The following CASP2 variants were observed in gnomAD, a reference collection of about 807,000 sequenced individuals.
CASP2 encodes caspase-2.
Under a neutral mutation model 54.4 loss-of-function variants are expected in CASP2, and 38 were observed. That is an observed-to-expected ratio of 0.70 (90% CI 0.54 to 0.92). CASP2 has a LOEUF of 0.92. Ranked by LOEUF, CASP2 falls within the 40% of genes least tolerant of loss-of-function variation. The pLI, the probability that CASP2 is intolerant of heterozygous loss-of-function variation, is 0.00. For missense variants in CASP2, 512 were observed against 579.6 expected, an observed-to-expected ratio of 0.88 and a Z score of 1.20; for synonymous variants, 215 against 216.3, an observed-to-expected ratio of 0.99 and a Z score of 0.05.
At position 143,304,746 on chromosome 7, in the gene CASP2, G is replaced by A. The variant is rs369524386; in HGVS notation, c.1190G>A (p.Arg397Gln). 3.8e-5 allele frequency: 62 copies of A among 1,614,054 alleles called. No individual in the cohort carries two copies. The Middle Eastern group carries it at 1.3e-3, about 34-fold the overall frequency. Residue 397 changes from arginine to glutamine, a missense_variant, in exon 10 of 11, where the codon CGG becomes CAG. Physicochemically the swap from Arg to Gln is conservative, Grantham distance 43. This residue lies in a region of CASP2 where 417 missense variants were observed against 495.4 expected (regional missense o/e 0.84). Transcript: ENST00000310447. ...GCTCTTGCTCAAGTGTTTTCTGAGCGGGCTTGTGATATGCACGTGGCCGAC... is the reference window on the plus strand; with the variant it reads ...GCTCTTGCTCAAGTGTTTTCTGAGCAGGCTTGTGATATGCACGTGGCCGAC... ...IEALAQVFSE[R>Q]ACDMHVADML...
rs780893395 is a variant in CASP2, at chr7:143,300,295, G to A, written c.967+1G>A. ...TTCTTCATCCAGGCCTGCCGTGGAG[G>A]TGAGTGCCCTAGCAGACCAGCACCT... On this transcript the variant is annotated splice_donor_variant, in intron 8 of 10. Coordinates refer to ENST00000310447, the MANE Select transcript of CASP2 (RefSeq NM_032982.4). LOFTEE classifies it high-confidence loss of function. The A allele has an allele frequency of 1.2e-6, 2 of 1,613,712 alleles. No homozygotes were observed. Among genetic ancestry groups the A allele is most frequent in the East Asian group, 2.2e-5 (1 of 44,866 alleles).
At chr7:143,299,130 T>TG (rs1212432316) in intron 6 of CASP2, among the ~76,000 whole-genome samples, 1 of 152,170 alleles carries the variant, frequency 6.6e-6, no homozygotes, top group African/African-American at 2.4e-5. Context: ...TGGCTAATTT[T>TG]TTTTTTTAAA....
intron 1 of CASP2, 28 bp from the exon 2 acceptor site, chr7:143,291,512 A>T: frequency 6.2e-7 from 1 of 1,613,146 alleles, no homozygotes; most frequent in Non-Finnish European, 8.5e-7. Context: ...GTGACTTGAC[A>T]GCCTTTCCTT....
intron 6 of CASP2, among the ~76,000 whole-genome samples, chr7:143,296,869 G>A (rs1801770465): frequency 6.6e-6 from 1 of 152,118 alleles, no homozygotes; most frequent in African/African-American, 2.4e-5. Flanking sequence ...CAGTGAACAT[G>A]GGTATTCTCA....
In CASP2 at chr7:143,292,318, A is replaced by G; in HGVS notation, c.244A>G (p.Ser82Gly). The change falls in exon 3 of 11, where the codon AGC (serine) becomes GGC (glycine). Residue 82 changes from serine to glycine, a missense_variant. This residue lies in a region of CASP2 where 417 missense variants were observed against 495.4 expected (regional missense o/e 0.84). Transcript: ENST00000310447. ...ELIQAKVGSF[S>G]QNVELLNLLP... The stretch of plus-strand genomic sequence containing the variant: ...GTCTTAGGCCAAAGTGGGCAGTTTC[A>G]GCCAGAATGTGGAACTCCTCAACTT... 1 of 1,614,222 alleles carries G rather than the reference A, an allele frequency of 6.2e-7. No homozygotes were observed. Among genetic ancestry groups the G allele is most frequent in the Non-Finnish European group, 8.5e-7 (1 of 1,180,050 alleles).
intron 6 of CASP2, among the ~76,000 whole-genome samples, chr7:143,295,712 G>A (rs1801725417): frequency 6.6e-6 from 1 of 152,186 alleles, no homozygotes; most frequent in Admixed American, 6.5e-5. Flanking sequence ...GAGTAATTAT[G>A]TATTTACTAT....
chr7:143,300,455 A>G (rs771122177), intron 8 of CASP2, 161 bp downstream of exon 8: 100 of 1,594,276 alleles, frequency 6.3e-5, no homozygotes, highest in Admixed American at 8.4e-5. Flanking sequence ...GTGTCTCCCA[A>G]TGCATGGGGT....
In CASP2 at chr7:143,305,339, G is replaced by A. The variant is rs1296414271; in HGVS notation, c.*268G>A. ...CAGCTGCAGTTGAAGAGCCTGACAA[G>A]TGAAGTTGTAAACACAGTGTGGTTA... is the stretch of plus-strand genomic sequence containing the variant. On this transcript the variant is annotated 3_prime_UTR_variant, in exon 11 of 11. Coordinates refer to ENST00000310447, the MANE Select transcript of CASP2 (RefSeq NM_032982.4). 1.8e-6 allele frequency: 1 copy of A among 550,002 alleles called. No individual in the cohort carries two copies. The highest frequency in any genetic ancestry group is 3.3e-6 in the Non-Finnish European group (1 of 304,034). 34.1% of individuals were successfully genotyped at this position (550,002 alleles called of 1,614,324 possible).
At chr7:143,293,159 G>A (rs1400379610) in intron 4 of CASP2, 5 of 576,320 alleles carry the variant, frequency 8.7e-6, no homozygotes, top group South Asian at 1.9e-5. Flanking sequence ...ATAGGGTCTT[G>A]TTCTGTCACC....
rs1802067726 is a variant in CASP2, at chr7:143,306,422, A to G, written c.*1351A>G. On this transcript the variant is annotated 3_prime_UTR_variant, in exon 11 of 11. Coordinates refer to ENST00000310447, the MANE Select transcript of CASP2 (RefSeq NM_032982.4). ...CAGGTGCCCGCCACCGTGCCCGGCTAATTTTTTTGTATTTTTAGTAGAGAC... is the reference window on the plus strand; with the variant it reads ...CAGGTGCCCGCCACCGTGCCCGGCTGATTTTTTTGTATTTTTAGTAGAGAC... The G allele has an allele frequency of 6.6e-6, 1 of 151,432 alleles. No homozygotes were observed. Among genetic ancestry groups the G allele is most frequent in the Admixed American group, 6.6e-5 (1 of 15,218 alleles). The allele number at this position is 151,432 out of a possible 1,614,324, so 9.4% of individuals were successfully genotyped here.
At chr7:143,290,124 G>A (rs1801513263) in intron 1 of CASP2, among the ~76,000 whole-genome samples, 1 of 132,158 alleles carries the variant, frequency 7.6e-6, no homozygotes, top group Non-Finnish European at 1.5e-5. Flanking sequence ...GCAGTGGAAT[G>A]ATCTCAGCTC....
Position 143,305,867 on chromosome 7 carries a change from C to G in CASP2, c.*796C>G, listed in dbSNP as rs1360618373. 1 of 152,378 alleles carries G rather than the reference C, an allele frequency of 6.6e-6. No individual in the cohort carries two copies. The highest frequency in any genetic ancestry group is 1.5e-5 in the Non-Finnish European group (1 of 68,214). The allele number at this position is 152,378 out of a possible 1,614,324, so 9.4% of individuals were successfully genotyped here. ...GGTGTGTTTCCCTAGACTCTGTAACCACCTCTCTGTCTTTTTCCTTCCTGA... is the reference window on the plus strand; with the variant it reads ...GGTGTGTTTCCCTAGACTCTGTAACGACCTCTCTGTCTTTTTCCTTCCTGA... On this transcript the variant is annotated 3_prime_UTR_variant, in exon 11 of 11. Coordinates refer to ENST00000310447, the MANE Select transcript of CASP2 (RefSeq NM_032982.4).
At chr7:143,300,078 T>A in intron 7 of CASP2, 27 bp downstream of exon 7, 1 of 1,614,148 alleles carries the variant, frequency 6.2e-7, no homozygotes, top group Non-Finnish European at 8.5e-7. Flanking sequence ...GGAAGCCAAC[T>A]GTTGAAACCA....
chr7:143,303,534 A>T (rs997680685), intron 8 of CASP2: 9 of 432,630 alleles, frequency 2.1e-5, no homozygotes, highest in Non-Finnish European at 3.8e-5. Context: ...AACTGCTCCA[A>T]CCGCATAGAT....
chr7:143,302,276 C>T (rs1479166822), intron 8 of CASP2: 1 of 152,100 alleles, frequency 6.6e-6, no homozygotes, highest in Non-Finnish European at 1.5e-5. Context: ...CATCCTATAT[C>T]CAGGGATTTA....
chr7:143,300,996 C>A, intron 8 of CASP2: 1 of 872,456 alleles, frequency 1.1e-6, no homozygotes. Flanking sequence ...ATTCTGACTT[C>A]ACCATTTACT....
chr7:143,295,720 T>A (rs1801725573), intron 6 of CASP2, among the ~76,000 whole-genome samples: 1 of 152,248 alleles, frequency 6.6e-6, no homozygotes, highest in Non-Finnish European at 1.5e-5. Context: ...ATGTATTTAC[T>A]ATATTTTTGG....
intron 1 of CASP2, among the ~76,000 whole-genome samples, chr7:143,290,055 CTTTT>C (rs35440867): frequency 6.1e-5 from 7 of 114,516 alleles, no homozygotes; most frequent in Admixed American, 9.6e-5. Context: ...TTTTCCCTCC[CTTTT>C]TTTTTTTTTT....
chr7:143,293,902 C>T (rs1384651615), intron 4 of CASP2, among the ~76,000 whole-genome samples: 1 of 152,166 alleles, frequency 6.6e-6, no homozygotes, highest in Non-Finnish European at 1.5e-5. Flanking sequence ...GCTCAATTGG[C>T]CTCTAAAAAG....
Sources: gnomAD v4.1 joint callset for allele counts (sites outside exome capture counted in the v4.1 genomes callset) on GRCh38, gnomAD v4.1.1 for gene constraint, gnomAD v4.1.1 regional missense constraint, MANE v1.5 for transcripts, NCBI Gene and HGNC (gene_info 2026-07-23, HGNC 2026-07-21) for gene names.